The following GRAMD2B variants were observed in gnomAD, a reference collection of about 807,000 sequenced individuals.
GRAMD2B encodes the protein GRAM domain-containing protein 2B.
Under a neutral mutation model 59.2 loss-of-function variants are expected in GRAMD2B, and 41 were observed. The ratio of observed to expected loss-of-function variants is 0.69; its 90% CI spans 0.54 to 0.90. The LOEUF (loss-of-function observed/expected upper bound fraction) is 0.90, where lower values mean the gene tolerates loss of function less well. Ranked by LOEUF, GRAMD2B falls within the 40% of genes least tolerant of loss-of-function variation. GRAMD2B has a pLI of 0.00. For synonymous variants in GRAMD2B, 161 were observed against 182.7 expected (o/e 0.88, Z 0.96); for missense variants, 424 against 500.5 (o/e 0.85, Z 1.46).
In GRAMD2B at chr5:126,469,776, A is replaced by G. The variant is rs577681435; in HGVS notation, c.303A>G (p.Ser101=). ...NDPKTERKKS[S]SSSQYKANMH... ...CTAAGACTGAAAGAAAAAAGTCTTC[A>G]TCTTCCAGCCAGGTAATTTGAGAAT... Residue 101 remains serine (S), a synonymous_variant, in exon 3 of 14, where the codon TCA becomes TCG. Transcript: ENST00000285689. 68 of 1,609,364 alleles carry G rather than the reference A, an allele frequency of 4.2e-5. No individual in the cohort carries two copies. In the South Asian group the frequency reaches 6.6e-4, roughly 16 times the overall value.
intron 1 of GRAMD2B, among the ~76,000 whole-genome samples, chr5:126,378,069 G>A (rs1240796264): frequency 6.6e-6 from 1 of 151,836 alleles, no homozygotes; most frequent in Admixed American, 6.6e-5. Context: ...GACTTTATCA[G>A]AATTCTTGTG....
intron 13 of GRAMD2B, among the ~76,000 whole-genome samples, chr5:126,489,642 C>G (rs992746188): frequency 2.0e-5 from 3 of 152,170 alleles, no homozygotes; most frequent in Non-Finnish European, 4.4e-5. Flanking sequence ...TGTCCTTAGC[C>G]TGTGGCATTC....
intron 1 of GRAMD2B, among the ~76,000 whole-genome samples, chr5:126,387,901 AC>A (rs1756323272): frequency 1.3e-5 from 2 of 152,222 alleles, no homozygotes; most frequent in African/African-American, 4.8e-5. Flanking sequence ...TACATTTACT[AC>A]AAAGCTAATG....
chr5:126,436,348 T>C (rs1262244022), intron 1 of GRAMD2B, among the ~76,000 whole-genome samples: 1 of 152,212 alleles, frequency 6.6e-6, no homozygotes, highest in African/African-American at 2.4e-5. Context: ...AGGCATGAAC[T>C]GTGTCCCCTA....
chr5:126,457,637 A>G (rs1021081236), intron 1 of GRAMD2B, among the ~76,000 whole-genome samples: 1 of 151,840 alleles, frequency 6.6e-6, no homozygotes, highest in African/African-American at 2.4e-5. Flanking sequence ...TCTCGGGGGG[A>G]AAAAAATTGT....
chr5:126,392,657 C>T (rs1756932575), intron 1 of GRAMD2B, among the ~76,000 whole-genome samples: 1 of 152,038 alleles, frequency 6.6e-6, no homozygotes, highest in Admixed American at 6.5e-5. Context: ...AATTTTTCTT[C>T]CATGAAAGAA....
chr5:126,491,707 C>T (rs1269685812), intron 13 of GRAMD2B, among the ~76,000 whole-genome samples: 2 of 152,120 alleles, frequency 1.3e-5, no homozygotes, highest in Non-Finnish European at 2.9e-5. Context: ...GTTGAGAATT[C>T]CTTGCTCTGA....
chr5:126,400,632 A>C (rs1370721993), intron 1 of GRAMD2B, among the ~76,000 whole-genome samples: 1 of 152,116 alleles, frequency 6.6e-6, no homozygotes, highest in Non-Finnish European at 1.5e-5. Context: ...CTTTTCTTAT[A>C]AGGCAGGTCT....
rs960917705 is a variant in GRAMD2B, at chr5:126,365,063, T to C, written c.128+4604T>C. Among the ~76,000 whole-genome samples the C allele has an allele frequency of 2.0e-5, 3 of 152,246 alleles. No homozygotes were observed. The East Asian group carries it at 5.8e-4, about 29-fold the overall frequency. On this transcript the variant is annotated intron_variant, in intron 1 of 13. Coordinates refer to the GRAMD2B transcript ENST00000513040. ...TTAGAGTAAAACATAATTTTGATGATGATAAAATGTTCATTGTGATTATCT... is the reference window on the plus strand; with the variant it reads ...TTAGAGTAAAACATAATTTTGATGACGATAAAATGTTCATTGTGATTATCT...
At chr5:126,471,207 T>G (rs1390948296) in intron 3 of GRAMD2B, among the ~76,000 whole-genome samples, 1 of 152,150 alleles carries the variant, frequency 6.6e-6, no homozygotes, top group African/African-American at 2.4e-5. Flanking sequence ...ATTCTCCTTA[T>G]AAGAATTTTT....
At chr5:126,452,829 T>C (rs1765605955) in intron 1 of GRAMD2B, among the ~76,000 whole-genome samples, 2 of 152,242 alleles carry the variant, frequency 1.3e-5, no homozygotes, top group African/African-American at 2.4e-5. Flanking sequence ...GTTTCCTTTA[T>C]GATAGACCTC....
rs145552788 is a variant in GRAMD2B, at chr5:126,377,987, G to A, written c.125+6420G>A. Reference sequence around the variant, plus strand: ...TCTCTCCTATTAGGACTATATACTCGATAATGCAGCTAATATAATTATACC... The same window carrying A: ...TCTCTCCTATTAGGACTATATACTCAATAATGCAGCTAATATAATTATACC... On this transcript the variant is annotated intron_variant, in intron 1 of 8. Transcript: ENST00000506445. 4.0e-3 allele frequency among the ~76,000 whole-genome samples: 608 copies of A among 152,074 alleles called. 6 individuals are homozygous for A. The highest frequency in any genetic ancestry group is 0.014 in the African/African-American group (576 of 41,458).
At chr5:126,487,013 ATTCTG>A (rs1442139601) in intron 12 of GRAMD2B, 36 bp downstream of exon 12, 1 of 1,082,506 alleles carries the variant, frequency 9.2e-7, no homozygotes, top group South Asian at 1.3e-5. Context: ...TCTGCTTGCC[ATTCTG>A]CTTAATATAA....
intron 1 of GRAMD2B, among the ~76,000 whole-genome samples, chr5:126,439,702 C>T (rs1266399849): frequency 6.6e-6 from 1 of 152,122 alleles, no homozygotes; most frequent in Non-Finnish European, 1.5e-5. Flanking sequence ...GACTGATTAT[C>T]AGAAAAATTA....
At chr5:126,392,509 G>A (rs1350898923) in intron 1 of GRAMD2B, among the ~76,000 whole-genome samples, 1 of 152,018 alleles carries the variant, frequency 6.6e-6, no homozygotes, top group Non-Finnish European at 1.5e-5. Context: ...GGTCACACAG[G>A]CACTCTCTAA....
intron 1 of GRAMD2B, among the ~76,000 whole-genome samples, chr5:126,444,604 C>T (rs747597791): frequency 5.3e-5 from 8 of 152,166 alleles, no homozygotes; most frequent in Non-Finnish European, 1.0e-4. Context: ...TTTTTTAGAT[C>T]TATACAGAAT....
chr5:126,459,244 T>G (rs1766909716), intron 1 of GRAMD2B, among the ~76,000 whole-genome samples: 1 of 152,194 alleles, frequency 6.6e-6, no homozygotes, highest in South Asian at 2.1e-4. Flanking sequence ...GTCATTAATA[T>G]TTTATTTTAA....
chr5:126,369,584 C>A (rs191469236), upstream of GRAMD2B, among the ~76,000 whole-genome samples: 15 of 152,184 alleles, frequency 9.9e-5, no homozygotes, highest in Admixed American at 2.6e-4. Context: ...ATTGTTGAAG[C>A]AAGGACCCAT....
intron 6 of GRAMD2B, among the ~76,000 whole-genome samples, chr5:126,478,754 A>G (rs1345787699): frequency 2.0e-5 from 3 of 152,164 alleles, no homozygotes; most frequent in African/African-American, 7.2e-5. Flanking sequence ...AAAAAGTAAT[A>G]AATATATATA....
Sources: gnomAD v4.1 joint callset for allele counts (sites outside exome capture counted in the v4.1 genomes callset) on GRCh38, gnomAD v4.1.1 for gene constraint, MANE v1.5 for transcripts, NCBI Gene and HGNC (gene_info 2026-07-23, HGNC 2026-07-21) for gene names.